Variants in GRIK1 observed in about 807,000 individuals in gnomAD.
GRIK1 encodes glutamate receptor ionotropic, kainate 1.
In GRIK1, 69 loss-of-function variants were observed where a neutral mutation model predicts 105.7. That is an observed-to-expected ratio of 0.65 (90% CI 0.54 to 0.80). GRIK1 has a LOEUF of 0.80. Among genes scored for constraint, GRIK1 ranks in the 30% least tolerant of loss-of-function variants. The pLI is 0.00. For missense variants in GRIK1, 1,109 were observed against 1,167.3 expected, an observed-to-expected ratio of 0.95 and a Z score of 0.73; for synonymous variants, 438 against 431.3, an observed-to-expected ratio of 1.02 and a Z score of -0.19.
intron 16 of GRIK1, among the ~76,000 whole-genome samples, chr21:29,544,216 A>G (rs764416696): frequency 2.6e-5 from 4 of 152,232 alleles, no homozygotes; most frequent in Non-Finnish European, 5.9e-5. Context: ...CTTTATTTAA[A>G]GATTTCATTT....
chr21:29,918,152 A>G (rs1177178571), intron 1 of GRIK1, among the ~76,000 whole-genome samples: 1 of 152,110 alleles, frequency 6.6e-6, no homozygotes, highest in Non-Finnish European at 1.5e-5. Context: ...AAAAATGGGC[A>G]TAATGTTGAC....
At chr21:29,755,663 A>G (rs961164682) in intron 1 of GRIK1, among the ~76,000 whole-genome samples, 1 of 152,216 alleles carries the variant, frequency 6.6e-6, no homozygotes, top group African/African-American at 2.4e-5. Flanking sequence ...CCCGTAGAGC[A>G]TGGAGCATCC....
chr21:29,816,770 A>G (rs1367802309), intron 1 of GRIK1, among the ~76,000 whole-genome samples: 2 of 152,118 alleles, frequency 1.3e-5, no homozygotes, highest in African/African-American at 4.8e-5. Context: ...GAGTAGAATG[A>G]GAGTTACCAG....
At chr21:29,740,656 C>T (rs1433437836) in intron 1 of GRIK1, among the ~76,000 whole-genome samples, 1 of 152,190 alleles carries the variant, frequency 6.6e-6, no homozygotes, top group African/African-American at 2.4e-5. Flanking sequence ...CAAAATCAAA[C>T]AGCAAACTGT....
At chr21:29,919,158 A>C (rs1299129476) in intron 1 of GRIK1, among the ~76,000 whole-genome samples, 2 of 152,030 alleles carry the variant, frequency 1.3e-5, no homozygotes, top group Non-Finnish European at 2.9e-5. Flanking sequence ...ATAGAAAGGG[A>C]GTCAAGGAGC....
At chr21:29,937,957 C>T (rs968681379) in intron 1 of GRIK1, among the ~76,000 whole-genome samples, 2 of 152,090 alleles carry the variant, frequency 1.3e-5, no homozygotes, top group Non-Finnish European at 2.9e-5. Context: ...AGAAAAGACT[C>T]TATCCAATAC....
chr21:29,619,446 A>C (rs1043968465), intron 7 of GRIK1, among the ~76,000 whole-genome samples: 2 of 152,096 alleles, frequency 1.3e-5, no homozygotes, highest in Non-Finnish European at 2.9e-5. Context: ...AAAGAAAAAA[A>C]AATAATGATT....
At chr21:29,792,808 G>A (rs545344992) in intron 1 of GRIK1, among the ~76,000 whole-genome samples, 11 of 152,194 alleles carry the variant, frequency 7.2e-5, no homozygotes, top group South Asian at 2.1e-4. Flanking sequence ...CAGTACAAAC[G>A]TAAACAACCT....
intron 1 of GRIK1, among the ~76,000 whole-genome samples, chr21:29,850,706 C>A (rs906695582): frequency 6.6e-6 from 1 of 152,210 alleles, no homozygotes; most frequent in African/African-American, 2.4e-5. Context: ...CATAAATTCT[C>A]TTTATTAAGA....
intron 7 of GRIK1, among the ~76,000 whole-genome samples, chr21:29,613,662 A>G (rs1295929979): frequency 1.3e-5 from 2 of 152,312 alleles, no homozygotes; most frequent in African/African-American, 2.4e-5. Context: ...ACACTAATAA[A>G]AGTCTTATAA....
intron 1 of GRIK1, among the ~76,000 whole-genome samples, chr21:29,836,980 C>T (rs757726960): frequency 6.6e-6 from 1 of 152,204 alleles, no homozygotes; most frequent in African/African-American, 2.4e-5. Flanking sequence ...TAAAGTCCCT[C>T]ATGATCCAGC....
At chr21:29,635,876 T>C (rs995140107) in intron 7 of GRIK1, among the ~76,000 whole-genome samples, 14 of 152,048 alleles carry the variant, frequency 9.2e-5, no homozygotes, top group African/African-American at 2.2e-4. Context: ...TCCACTGAAA[T>C]AGGAATCCAT....
intron 1 of GRIK1, among the ~76,000 whole-genome samples, chr21:29,893,674 G>A (rs1226550986): frequency 1.3e-5 from 2 of 152,222 alleles, no homozygotes; most frequent in African/African-American, 2.4e-5. Flanking sequence ...CCGCTTGCGT[G>A]TTGGGCACTG....
At chr21:29,549,729 G>T (rs1459427034) in intron 16 of GRIK1, among the ~76,000 whole-genome samples, 2 of 152,096 alleles carry the variant, frequency 1.3e-5, no homozygotes, top group Non-Finnish European at 2.9e-5. Flanking sequence ...TTGAAATGCA[G>T]TGGTTCCTGG....
intron 1 of GRIK1, among the ~76,000 whole-genome samples, chr21:29,848,291 C>T (rs1260329277): frequency 6.6e-6 from 1 of 152,128 alleles, no homozygotes; most frequent in Non-Finnish European, 1.5e-5. Flanking sequence ...GCTGGAATGC[C>T]AACAGTATCA....
At chr21:29,899,385 C>A (rs536991517) in intron 1 of GRIK1, among the ~76,000 whole-genome samples, 1 of 152,342 alleles carries the variant, frequency 6.6e-6, no homozygotes, top group Admixed American at 6.5e-5. Flanking sequence ...CATGCCTATG[C>A]AGGTTTGTCT....
At chr21:29,800,961 G>A (rs1361827563) in intron 1 of GRIK1, among the ~76,000 whole-genome samples, 1 of 152,106 alleles carries the variant, frequency 6.6e-6, no homozygotes, top group Non-Finnish European at 1.5e-5. Flanking sequence ...TCCAAAGCCA[G>A]CAACTGGTTT....
chr21:29,936,374 GT>G (rs2071756239), intron 1 of GRIK1, among the ~76,000 whole-genome samples: 1 of 152,138 alleles, frequency 6.6e-6, no homozygotes, highest in Non-Finnish European at 1.5e-5. Context: ...CGTCTACTAA[GT>G]TTACCTAGAT....
chr21:29,596,504 C>A (rs1467735018), intron 9 of GRIK1, 22 bp downstream of exon 9: 3 of 1,549,526 alleles, frequency 1.9e-6, no homozygotes, highest in Non-Finnish European at 2.7e-6. Context: ...AGGTTTCCTG[C>A]AGTTGTTGTC....
Sources: allele counts gnomAD v4.1 joint callset (sites outside exome capture counted in the v4.1 genomes callset), GRCh38; gene constraint gnomAD v4.1.1; transcripts MANE v1.5; gene names NCBI Gene and HGNC (gene_info 2026-07-23, HGNC 2026-07-21).